Variants in PCDHGA4 observed in about 807,000 individuals in gnomAD.
PCDHGA4 encodes the protein protocadherin gamma-A4.
In PCDHGA4, 38 loss-of-function variants were observed where a neutral mutation model predicts 54.6. The observed-to-expected ratio is 0.70, with a 90% CI of 0.54 to 0.91. PCDHGA4 has a LOEUF of 0.91. Ranked by LOEUF, PCDHGA4 falls within the 40% of genes least tolerant of loss-of-function variation. The pLI, the probability that PCDHGA4 is intolerant of heterozygous loss-of-function variation, is 0.00. For missense variants in PCDHGA4, 1,298 were observed against 1,220.9 expected, an observed-to-expected ratio of 1.06 and a Z score of -0.94; for synonymous variants, 511 against 512.9, an observed-to-expected ratio of 1.00 and a Z score of 0.05.
intron 1 of PCDHGA4, chr5:141,410,939 C>T (rs960754863): frequency 5.1e-5 from 10 of 195,446 alleles, no homozygotes; most frequent in South Asian, 1.1e-4. Flanking sequence ...CTGCAACCTC[C>T]GCCTTCTGGG....
chr5:141,364,231 C>T, intron 1 of PCDHGA4: 1 of 1,392,326 alleles, frequency 7.2e-7, no homozygotes, highest in Non-Finnish European at 9.6e-7. Flanking sequence ...CAACGCTCCA[C>T]GCCCATTTTC....
At chr5:141,364,793 C>G in intron 1 of PCDHGA4, 2 of 1,614,028 alleles carry the variant, frequency 1.2e-6, no homozygotes, top group Non-Finnish European at 1.7e-6. Flanking sequence ...GTTAGTGCTT[C>G]CCTTCGCGCG....
At chr5:141,405,649 T>C (rs954605890) in intron 1 of PCDHGA4, 14 of 527,576 alleles carry the variant, frequency 2.7e-5, no homozygotes, top group Non-Finnish European at 6.7e-6. Flanking sequence ...TAATTTTTTG[T>C]GTGTTTTTAG....
In PCDHGA4 at chr5:141,370,463, T is replaced by C. The variant is rs763997500; in HGVS notation, c.2514+12842T>C. On this transcript the variant is annotated intron_variant, in intron 1 of 3. Coordinates refer to ENST00000571252, the MANE Select transcript of PCDHGA4 (RefSeq NM_018917.4). ...GAATGCTATTTCTCTTCCTGCTCTCTTTGTTAGACCAGGCTCTCTCCGAAC... is the reference window on the plus strand; with the variant it reads ...GAATGCTATTTCTCTTCCTGCTCTCCTTGTTAGACCAGGCTCTCTCCGAAC... The C allele has an allele frequency of 1.9e-6, 3 of 1,612,968 alleles. No individual in the cohort carries two copies. The East Asian group carries it at 6.7e-5, about 36-fold the overall frequency.
At position 141,360,833 on chromosome 5, in the gene PCDHGA4, C is replaced by T. The variant is rs760468418; in HGVS notation, c.2514+3212C>T. 6 of 1,613,964 alleles carry T rather than the reference C, an allele frequency of 3.7e-6. No homozygotes were observed. In the South Asian group the frequency reaches 5.5e-5, roughly 15 times the overall value. On this transcript the variant is annotated intron_variant, in intron 1 of 3. Coordinates refer to ENST00000571252, the MANE Select transcript of PCDHGA4 (RefSeq NM_018917.4). ...ACGACCCAAATCCGAATCAAAGTCA[C>T]GGATGCCAACGATAACCCTCCAGTG... is the stretch of plus-strand genomic sequence containing the variant.
intron 1 of PCDHGA4, chr5:141,410,752 G>GT: frequency 4.4e-6 from 5 of 1,130,822 alleles, no homozygotes; most frequent in Non-Finnish European, 5.8e-6. Context: ...TTTTCTCAAT[G>GT]TTTTTTCAAT....
At position 141,477,262 on chromosome 5, in the gene PCDHGA4, C is replaced by G; in HGVS notation, c.2515-17545C>G. On this transcript the variant is annotated intron_variant, in intron 1 of 3. Coordinates refer to ENST00000571252, the MANE Select transcript of PCDHGA4 (RefSeq NM_018917.4). The surrounding 1 kb of genome is among the most constrained non-coding windows in gnomAD (Gnocchi z 4.9). ...TCAGTGTGACTGACCTGGATGCTGG[C>G]GAGAACGGGCTGGTGACCTGCGAAG... The G allele has an allele frequency of 6.2e-7, 1 of 1,614,138 alleles. No homozygotes were observed.
In PCDHGA4 at chr5:141,489,483, T is replaced by C. The variant is rs2099687756; in HGVS notation, c.2515-5324T>C. ...GCTATTTTTCCCTGAGCTTGATGAGTGGTGCCCTGGCAGTGAATCAAAAGA... is the reference window on the plus strand; with the variant it reads ...GCTATTTTTCCCTGAGCTTGATGAGCGGTGCCCTGGCAGTGAATCAAAAGA... On this transcript the variant is annotated intron_variant, in intron 1 of 3. Coordinates refer to ENST00000571252, the MANE Select transcript of PCDHGA4 (RefSeq NM_018917.4). This position sits in a 1 kb window ranked among gnomAD's most constrained non-coding sequence, Gnocchi z 4.5. 1 of 1,613,862 alleles carries C rather than the reference T, an allele frequency of 6.2e-7. No individual in the cohort carries two copies. The highest frequency in any genetic ancestry group is 1.1e-5 in the South Asian group (1 of 91,078).
At chr5:141,364,125 C>T in intron 1 of PCDHGA4, 1 of 466,222 alleles carries the variant, frequency 2.1e-6, no homozygotes. Flanking sequence ...CTGAGTGTCG[C>T]TGTTGACCAA....
Position 141,361,680 on chromosome 5 carries a change from C to G in PCDHGA4, c.2514+4059C>G, listed in dbSNP as rs369369005. On this transcript the variant is annotated intron_variant, in intron 1 of 3. Transcript: ENST00000571252. ...TGAGCGCGCAGAGCGGGGTGGTGTT[C>G]GCGCAGCGCGCCTTCGATCATGAGC... The G allele has an allele frequency of 6.8e-6, 11 of 1,613,576 alleles. No individual in the cohort carries two copies. The South Asian group carries it at 1.2e-4, about 18-fold the overall frequency.
At chr5:141,393,227 A>G (rs1389818557) in intron 1 of PCDHGA4, 1 of 1,613,740 alleles carries the variant, frequency 6.2e-7, no homozygotes, top group Non-Finnish European at 8.5e-7. Context: ...TCGAAGATCT[A>G]GAAGTAAAAA....
intron 2 of PCDHGA4, 22 bp from the exon 3 acceptor site, chr5:141,505,371 C>G: frequency 1.2e-6 from 2 of 1,613,980 alleles, no homozygotes; most frequent in Non-Finnish European, 1.7e-6. Context: ...AGTCTGTGCT[C>G]ACCATCCTAC....
rs752604165 is a variant in PCDHGA4, at chr5:141,494,771, G to A, written c.2515-36G>A. On this transcript the variant is annotated intron_variant, in intron 1 of 3. Coordinates refer to ENST00000571252, the MANE Select transcript of PCDHGA4 (RefSeq NM_018917.4). ...CTCGGGTGACATTCTAACTTCTCAC[G>A]GGTACTCAGCCCCTTTCCCTCTGTT... 74 of 1,613,730 alleles carry A rather than the reference G, an allele frequency of 4.6e-5. No homozygotes were observed. The East Asian group carries it at 1.6e-3, about 36-fold the overall frequency.
At chr5:141,415,055 C>G in intron 1 of PCDHGA4, 2 of 1,613,402 alleles carry the variant, frequency 1.2e-6, no homozygotes, top group East Asian at 2.2e-5. Flanking sequence ...GGGGAGCACA[C>G]GGGCGAGGTG....
intron 1 of PCDHGA4, chr5:141,382,848 A>G (rs543706507): frequency 5.5e-4 from 813 of 1,490,648 alleles, no homozygotes; most frequent in Non-Finnish European, 6.7e-4. Flanking sequence ...ATACACCCGC[A>G]TTCTGAAGCA....
intron 1 of PCDHGA4, chr5:141,415,086 G>C: frequency 5.6e-6 from 9 of 1,613,554 alleles, no homozygotes; most frequent in Non-Finnish European, 6.8e-6. Context: ...GAGCCCTGCT[G>C]GACAGAGACG....
At chr5:141,408,286 C>G (rs751845459) in intron 1 of PCDHGA4, 81 of 1,613,074 alleles carry the variant, frequency 5.0e-5, no homozygotes, top group Non-Finnish European at 6.3e-5. Context: ...TCTACCCCAC[C>G]CTGAGTGAGC....
rs371139792 is a variant in PCDHGA4 at position 141,490,160 on chromosome 5, C to A, written c.2515-4647C>A. On this transcript the variant is annotated intron_variant, in intron 1 of 3. Transcript: ENST00000571252. This position sits in a 1 kb window ranked among gnomAD's most constrained non-coding sequence, Gnocchi z 5.4. The stretch of plus-strand genomic sequence containing the variant: ...AGTGGGGCAATCCATGTGTTGGGTC[C>A]CATAGACTTTGAGGAGTCACGTTTC... The A allele has an allele frequency of 5.6e-6, 9 of 1,614,192 alleles. No homozygotes were observed. The highest frequency in any genetic ancestry group is 7.6e-6 in the Non-Finnish European group (9 of 1,180,016).
At chr5:141,499,212 G>A (rs904920940) in intron 2 of PCDHGA4, among the ~76,000 whole-genome samples, 1 of 151,898 alleles carries the variant, frequency 6.6e-6, no homozygotes, top group African/African-American at 2.4e-5. Context: ...TGTAACCCAG[G>A]CCCTGCCCTG....
Sources: gnomAD v4.1 joint callset for allele counts (sites outside exome capture counted in the v4.1 genomes callset) on GRCh38, gnomAD v4.1.1 for gene constraint, Gnocchi (gnomAD v3.1) non-coding constraint, MANE v1.5 for transcripts, NCBI Gene and HGNC (gene_info 2026-07-23, HGNC 2026-07-21) for gene names.